Variants in FMN2 observed in about 807,000 individuals in gnomAD.
The protein encoded by FMN2 is formin-2.
In FMN2, 51 loss-of-function variants were observed where a neutral mutation model predicts 142.3. The ratio of observed to expected loss-of-function variants is 0.36; its 90% CI spans 0.29 to 0.45. FMN2 has a LOEUF of 0.45. FMN2 is among the 20% of genes least tolerant of loss of function. FMN2 has a pLI of 1.00. For missense variants in FMN2, 1,936 were observed against 2,122.8 expected, an observed-to-expected ratio of 0.91 and a Z score of 1.73; for synonymous variants, 882 against 869.8, an observed-to-expected ratio of 1.01 and a Z score of -0.25.
At position 240,427,355 on chromosome 1, in the gene FMN2, G is replaced by A. The variant is rs183353993; in HGVS notation, c.4911-10706G>A. On this transcript the variant is annotated intron_variant, in intron 15 of 17. Transcript: ENST00000319653. ...TGAGTAGCTTGGACTACAGGCGCCC[G>A]CCACCGCGCCCAGCTAATTTTTTGT... Among the ~76,000 whole-genome samples, 18 of 151,924 alleles carry A rather than the reference G, an allele frequency of 1.2e-4. No individual in the cohort carries two copies. The East Asian group carries it at 2.9e-3, about 25-fold the overall frequency.
At chr1:240,186,688 A>G (rs902444483) in intron 3 of FMN2, among the ~76,000 whole-genome samples, 5 of 152,144 alleles carry the variant, frequency 3.3e-5, no homozygotes, top group African/African-American at 1.2e-4. Context: ...TGGAAGAAGC[A>G]TGACTGGTGT....
At chr1:240,420,563 G>A (rs1674727856) in intron 15 of FMN2, among the ~76,000 whole-genome samples, 1 of 152,160 alleles carries the variant, frequency 6.6e-6, no homozygotes, top group Non-Finnish European at 1.5e-5. Flanking sequence ...TTCTGAGGGG[G>A]CGGGCCATTT....
intron 4 of FMN2, among the ~76,000 whole-genome samples, chr1:240,196,593 C>T (rs773693782): frequency 6.6e-6 from 1 of 152,062 alleles, no homozygotes; most frequent in Non-Finnish European, 1.5e-5. Flanking sequence ...CTCACTGCAA[C>T]CTCCGCCTCC....
chr1:240,388,151 C>CT (rs1224022453), intron 14 of FMN2, among the ~76,000 whole-genome samples: 1 of 126,410 alleles, frequency 7.9e-6, no homozygotes, highest in Non-Finnish European at 1.6e-5. Flanking sequence ...GCACTCCAGC[C>CT]TGGGCGACAG....
intron 7 of FMN2, among the ~76,000 whole-genome samples, chr1:240,286,244 T>A (rs911844962): frequency 2.6e-5 from 4 of 152,186 alleles, no homozygotes; most frequent in Non-Finnish European, 5.9e-5. Context: ...GTATTCAACA[T>A]GCAGTACTCC....
chr1:240,409,314 T>G (rs1351971081), intron 15 of FMN2, among the ~76,000 whole-genome samples: 1 of 151,984 alleles, frequency 6.6e-6, no homozygotes, highest in African/African-American at 2.4e-5. Flanking sequence ...GTTAATTTTT[T>G]TGTGTTTTTA....
intron 7 of FMN2, among the ~76,000 whole-genome samples, chr1:240,267,609 A>G (rs1668862938): frequency 6.8e-6 from 1 of 146,954 alleles, no homozygotes; most frequent in Non-Finnish European, 1.5e-5. Flanking sequence ...TATGTAGCAA[A>G]CCTGCACTTG....
At chr1:240,280,883 A>G (rs934644314) in intron 7 of FMN2, among the ~76,000 whole-genome samples, 7 of 152,158 alleles carry the variant, frequency 4.6e-5, no homozygotes, top group Non-Finnish European at 1.0e-4. Flanking sequence ...TCAAATCAAC[A>G]AACCTCTCCA....
chr1:240,147,792 T>C (rs997949630), intron 2 of FMN2, among the ~76,000 whole-genome samples: 14 of 152,350 alleles, frequency 9.2e-5, no homozygotes, highest in African/African-American at 3.1e-4. Context: ...CTTCATCTTA[T>C]GCTATTCTGT....
intron 5 of FMN2, among the ~76,000 whole-genome samples, chr1:240,209,797 G>C (rs543123145): frequency 6.6e-6 from 1 of 151,628 alleles, no homozygotes; most frequent in African/African-American, 2.4e-5. Context: ...CCAGCTACTC[G>C]GGAGGCTGAG....
intron 15 of FMN2, among the ~76,000 whole-genome samples, chr1:240,416,466 C>T (rs1471948419): frequency 2.0e-5 from 3 of 152,088 alleles, no homozygotes; most frequent in East Asian, 1.9e-4. Context: ...GACGGGGTTT[C>T]GCCATGTTGG....
At chr1:240,376,589 T>C (rs1345492166) in intron 14 of FMN2, among the ~76,000 whole-genome samples, 2 of 152,152 alleles carry the variant, frequency 1.3e-5, no homozygotes, top group Non-Finnish European at 2.9e-5. Context: ...CAATACAGCA[T>C]AACAACTGTT....
chr1:240,346,180 C>A (rs192445671), intron 13 of FMN2, among the ~76,000 whole-genome samples: 1 of 151,914 alleles, frequency 6.6e-6, no homozygotes, highest in African/African-American at 2.4e-5. Flanking sequence ...CCTCAAGCCA[C>A]GGATAGTACC....
At chr1:240,146,492 C>T (rs1042884873) in intron 2 of FMN2, among the ~76,000 whole-genome samples, 4 of 151,594 alleles carry the variant, frequency 2.6e-5, no homozygotes, top group African/African-American at 9.7e-5. Flanking sequence ...CACTTGAGGT[C>T]AGGAGTTCAA....
chr1:240,238,338 G>A (rs749692899), intron 6 of FMN2, among the ~76,000 whole-genome samples: 6 of 152,138 alleles, frequency 3.9e-5, no homozygotes, highest in South Asian at 2.1e-4. Context: ...TTAACATTGT[G>A]TATCCTTATA....
At chr1:240,277,935 A>T (rs1249757387) in intron 7 of FMN2, among the ~76,000 whole-genome samples, 1 of 152,154 alleles carries the variant, frequency 6.6e-6, no homozygotes, top group Non-Finnish European at 1.5e-5. Flanking sequence ...TGAGTTCGTT[A>T]AAAATGGAAC....
intron 16 of FMN2, among the ~76,000 whole-genome samples, chr1:240,463,213 G>A (rs1247619360): frequency 6.6e-6 from 1 of 152,186 alleles, no homozygotes; most frequent in East Asian, 1.9e-4. Flanking sequence ...CACTGGTTCA[G>A]GGGACGTGAG....
intron 8 of FMN2, among the ~76,000 whole-genome samples, chr1:240,307,323 C>T (rs577396045): frequency 2.0e-5 from 3 of 152,086 alleles, no homozygotes; most frequent in Non-Finnish European, 4.4e-5. Context: ...TTTGCCTAGA[C>T]CAATGTCTAA....
intron 14 of FMN2, 132 bp downstream of exon 14, chr1:240,356,040 C>T: frequency 1.7e-6 from 1 of 601,314 alleles, no homozygotes; most frequent in South Asian, 2.4e-5. Flanking sequence ...CTTATTTTGA[C>T]ATTACAGAAA....
Sources: gnomAD v4.1 joint callset for allele counts (sites outside exome capture counted in the v4.1 genomes callset) on GRCh38, gnomAD v4.1.1 for gene constraint, MANE v1.5 for transcripts, NCBI Gene and HGNC (gene_info 2026-07-23, HGNC 2026-07-21) for gene names.